Variants in MLC1 observed in about 807,000 individuals in gnomAD.
The protein encoded by MLC1 is membrane protein MLC1.
Under a neutral mutation model 44.7 loss-of-function variants are expected in MLC1, and 32 were observed. The observed-to-expected ratio is 0.72, with a 90% confidence interval of 0.54 to 0.96. The LOEUF (loss-of-function observed/expected upper bound fraction) is 0.96, where lower values mean the gene tolerates loss of function less well. Ranked by LOEUF, MLC1 falls within the 40% of genes least tolerant of loss-of-function variation. The pLI, the probability that MLC1 is intolerant of heterozygous loss-of-function variation, is 0.00. For missense variants in MLC1, 459 were observed against 492.2 expected, an observed-to-expected ratio of 0.93 and a Z score of 0.64; for synonymous variants, 190 against 213.0, an observed-to-expected ratio of 0.89 and a Z score of 0.94.
chr22:50,079,284 A>AAAAAC (rs139144031), intron 5 of MLC1, among the ~76,000 whole-genome samples: 11,900 of 151,388 alleles, frequency 0.079, 559 homozygotes, highest in South Asian at 0.19. Flanking sequence ...ATTCCTTCTC[A>AAAAAC]AAAACAAAAC....
chr22:50,073,263 G>A (rs1344228341), intron 8 of MLC1, among the ~76,000 whole-genome samples: 1 of 152,260 alleles, frequency 6.6e-6, no homozygotes, highest in Non-Finnish European at 1.5e-5. Context: ...GAGAGCAGGG[G>A]CAAAATCTAA....
intron 5 of MLC1, 51 bp downstream of exon 5, chr22:50,079,867 G>C (rs901710742): frequency 2.9e-5 from 37 of 1,263,896 alleles, no homozygotes; most frequent in Non-Finnish European, 4.1e-5. Flanking sequence ...ACCATTCGTG[G>C]GAGTGGGGCT....
At position 50,080,369 on chromosome 22, in the gene MLC1, G is replaced by C; in HGVS notation, c.296C>G (p.Thr99Ser). 1 of 1,607,934 alleles carries C rather than the reference G, an allele frequency of 6.2e-7. No individual in the cohort carries two copies. Among genetic ancestry groups the C allele is most frequent in the Non-Finnish European group, 8.5e-7 (1 of 1,177,150 alleles). Residue 99 changes from threonine to serine, a missense_variant, in exon 4 of 12, where the codon ACC becomes AGC. Thr to Ser is a moderately conservative substitution (Grantham distance 58). Coordinates refer to ENST00000311597, the MANE Select transcript of MLC1 (RefSeq NM_015166.4). The part of the protein sequence containing the change: ...SCIPSAIVSF[T>S]VSRRNANVIP... ...CACATTGGCGTTCCTCCTGGAGACG[G>C]TGAAGCTCACAATTGCCGAGGGGAT...
chr22:50,082,435 G>A (rs950998923), intron 3 of MLC1, among the ~76,000 whole-genome samples: 5 of 152,222 alleles, frequency 3.3e-5, no homozygotes, highest in African/African-American at 1.2e-4. Context: ...CACTGTGTAA[G>A]TTTCTAAAAA....
chr22:50,079,241 G>A (rs1331083378), intron 5 of MLC1, among the ~76,000 whole-genome samples: 3 of 151,976 alleles, frequency 2.0e-5, no homozygotes, highest in African/African-American at 4.8e-5. Context: ...CCGAGATGGC[G>A]CCACTACACT....
intron 11 of MLC1, among the ~76,000 whole-genome samples, chr22:50,062,297 A>G (rs2061587707): frequency 7.0e-6 from 1 of 143,826 alleles, no homozygotes; most frequent in Non-Finnish European, 1.5e-5. Context: ...GTCCATCCTG[A>G]GCCCCAGCCG....
chr22:50,078,701 T>A (rs1422899991), intron 5 of MLC1, among the ~76,000 whole-genome samples: 1 of 148,892 alleles, frequency 6.7e-6, no homozygotes, highest in African/African-American at 2.5e-5. Flanking sequence ...ATGGAGCCAC[T>A]GCACTCCAGT....
At chr22:50,071,743 C>T (rs2061856770) in intron 8 of MLC1, among the ~76,000 whole-genome samples, 1 of 152,204 alleles carries the variant, frequency 6.6e-6, no homozygotes, top group Non-Finnish European at 1.5e-5. Flanking sequence ...CCAAGAAATG[C>T]CCTTTTCCCA....
At chr22:50,074,632 C>T in intron 7 of MLC1, 1 of 409,686 alleles carries the variant, frequency 2.4e-6, no homozygotes, top group South Asian at 2.1e-5. Flanking sequence ...GGCAGAAAAC[C>T]AAGACCCTCA....
At chr22:50,066,278 C>A (rs958337878) in intron 10 of MLC1, among the ~76,000 whole-genome samples, 1 of 152,052 alleles carries the variant, frequency 6.6e-6, no homozygotes, top group Non-Finnish European at 1.5e-5. Flanking sequence ...GTGGGCGGAT[C>A]GCTTCAGCCC....
chr22:50,063,496 G>A (rs5771336), intron 11 of MLC1, among the ~76,000 whole-genome samples: 18,044 of 148,512 alleles, frequency 0.12, 1,243 homozygotes, highest in South Asian at 0.23. Context: ...AAAAAGAAAA[G>A]AAAGACATTT....
At chr22:50,061,690 C>T in intron 11 of MLC1, 33 bp from the exon 12 acceptor site, 1 of 1,590,548 alleles carries the variant, frequency 6.3e-7, no homozygotes, top group Non-Finnish European at 8.6e-7. Context: ...GTTACTTCAC[C>T]AGGGCCACCT....
rs770800468 is a variant in MLC1, at chr22:50,083,214, G to C, written c.178-41C>G. On this transcript the variant is annotated intron_variant, in intron 2 of 11. Coordinates refer to ENST00000311597, the MANE Select transcript of MLC1 (RefSeq NM_015166.4). The surrounding 1 kb of genome is among the most constrained non-coding windows in gnomAD (Gnocchi z 4.6). ...AGAATCCCAGGTTACAACGCGCCCCGTCCCCAGGCTGGACCCTGACCCTTC... is the reference window on the plus strand; with the variant it reads ...AGAATCCCAGGTTACAACGCGCCCCCTCCCCAGGCTGGACCCTGACCCTTC... The C allele has an allele frequency of 2.6e-6, 4 of 1,558,066 alleles. No homozygotes were observed. Among genetic ancestry groups the C allele is most frequent in the Admixed American group, 1.7e-5 (1 of 59,892 alleles).
intron 8 of MLC1, among the ~76,000 whole-genome samples, chr22:50,071,460 C>T (rs1020775073): frequency 1.3e-5 from 2 of 152,222 alleles, no homozygotes; most frequent in Non-Finnish European, 2.9e-5. Flanking sequence ...CCATTGAGCT[C>T]GTAGTCTCCT....
In MLC1 at chr22:50,061,562, C is replaced by G; in HGVS notation, c.*21G>C. ...CTTGGGGCCAGGCTGGGCGCTGCCACCCGGTTTCCGCGTCTGGGGGTCACT... is the reference window on the plus strand; with the variant it reads ...CTTGGGGCCAGGCTGGGCGCTGCCAGCCGGTTTCCGCGTCTGGGGGTCACT... On this transcript the variant is annotated 3_prime_UTR_variant, in exon 12 of 12. Transcript: ENST00000311597. 6.2e-7 allele frequency: 1 copy of G among 1,612,458 alleles called. No homozygotes were observed. The highest frequency in any genetic ancestry group is 8.5e-7 in the Non-Finnish European group (1 of 1,179,254).
Position 50,064,622 on chromosome 22 carries a change from G to A in MLC1, c.895-424C>T, listed in dbSNP as rs190829941. Among the ~76,000 whole-genome samples, 1,060 of 148,830 alleles carry A rather than the reference G, an allele frequency of 7.1e-3. 10 individuals carry two copies. The highest frequency in any genetic ancestry group is 0.025 in the African/African-American group (1,007 of 41,094). On this transcript the variant is annotated intron_variant, in intron 10 of 11. Transcript: ENST00000311597. Reference sequence around the variant, plus strand: ...GAGGAGACAGGGGGCAGCCGTCCTGGGGGGATGGGGTGCACAGACCCCCAA... The same window carrying A: ...GAGGAGACAGGGGGCAGCCGTCCTGAGGGGATGGGGTGCACAGACCCCCAA...
chr22:50,067,959 A>C lies in MLC1; in HGVS notation c.894+474T>G, dbSNP rs569750931. On this transcript the variant is annotated intron_variant, in intron 10 of 11. Coordinates refer to ENST00000311597, the MANE Select transcript of MLC1 (RefSeq NM_015166.4). Reference sequence around the variant, plus strand: ...CAAAACCACTTATACTGGAAAAAAAAAAACAAAAAAACAAAAAAACACTAG... The same window carrying C: ...CAAAACCACTTATACTGGAAAAAAACAAACAAAAAAACAAAAAAACACTAG... Among the ~76,000 whole-genome samples the C allele has an allele frequency of 5.1e-5, 6 of 117,830 alleles. No homozygotes were observed. The East Asian group carries it at 1.4e-3, about 28-fold the overall frequency. The allele number at this position is 117,830 out of a possible 152,430, so 77.3% of individuals were successfully genotyped here.
intron 11 of MLC1, among the ~76,000 whole-genome samples, chr22:50,062,099 GT>G (rs2061573061): frequency 6.7e-6 from 1 of 150,062 alleles, no homozygotes; most frequent in African/African-American, 2.5e-5. Flanking sequence ...AGCCCCAGCT[GT>G]CCACCCTGAG....
At chr22:50,067,500 T>C (rs1255167373) in intron 10 of MLC1, among the ~76,000 whole-genome samples, 446 of 24,704 alleles carry the variant, frequency 0.018, 26 homozygotes, top group Admixed American at 0.03. Context: ...CTCTATCCCC[T>C]GTCAGGCAGT....
Sources: allele counts gnomAD v4.1 joint callset (sites outside exome capture counted in the v4.1 genomes callset), GRCh38; gene constraint gnomAD v4.1.1; non-coding constraint Gnocchi (gnomAD v3.1); transcripts MANE v1.5; gene names NCBI Gene and HGNC (gene_info 2026-07-23, HGNC 2026-07-21).